The following NALCN variants were observed in gnomAD, a reference collection of about 807,000 sequenced individuals.
NALCN encodes the protein sodium leak channel, non-selective, also known as sodium leak channel NALCN.
In NALCN, 111 loss-of-function variants were observed where a neutral mutation model predicts 225.3. The observed-to-expected ratio is 0.49, with a 90% CI of 0.42 to 0.58. The LOEUF (loss-of-function observed/expected upper bound fraction) is 0.58. Among genes scored for constraint, NALCN ranks in the 20% least tolerant of loss-of-function variants. The pLI is 0.00. For missense variants in NALCN, 1,378 were observed against 2,202.4 expected (o/e 0.63, Z 7.49); for synonymous variants, 764 against 769.0 (o/e 0.99, Z 0.11).
chr13:101,173,249 G>C (rs541636309), intron 15 of NALCN, among the ~76,000 whole-genome samples: 1 of 152,334 alleles, frequency 6.6e-6, no homozygotes, highest in East Asian at 1.9e-4. Flanking sequence ...ATATGAGGAT[G>C]CCTTTGTTAT....
rs111653499 is a variant in NALCN at position 101,330,683 on chromosome 13, T to G, written c.799+14583A>C. 1.8e-3 allele frequency among the ~76,000 whole-genome samples: 275 copies of G among 152,296 alleles called. 1 individual carries two copies. The highest frequency in any genetic ancestry group is 6.1e-3 in the African/African-American group (252 of 41,556). On this transcript the variant is annotated intron_variant, in intron 7 of 43. Coordinates refer to ENST00000251127, the MANE Select transcript of NALCN (RefSeq NM_052867.4). ...TGGTTTAGCTGTGTTTCCACCCAAA[T>G]GTCATCTTGAATTGTAGCTCCCATA... is the stretch of plus-strand genomic sequence containing the variant.
At chr13:101,277,311 T>C (rs2043000719) in intron 10 of NALCN, among the ~76,000 whole-genome samples, 1 of 152,164 alleles carries the variant, frequency 6.6e-6, no homozygotes, top group Non-Finnish European at 1.5e-5. Context: ...GTACATTTCA[T>C]TTATAAGAGA....
At chr13:101,240,184 T>C (rs1168528326) in intron 11 of NALCN, among the ~76,000 whole-genome samples, 2 of 152,062 alleles carry the variant, frequency 1.3e-5, no homozygotes, top group African/African-American at 4.8e-5. Flanking sequence ...CTTTATGATT[T>C]TTTTCTTTAC....
At chr13:101,111,746 T>A (rs1408493686) in intron 18 of NALCN, among the ~76,000 whole-genome samples, 1 of 152,340 alleles carries the variant, frequency 6.6e-6, no homozygotes, top group East Asian at 1.9e-4. Flanking sequence ...CTCTCTTCTC[T>A]TGTCTGCTGC....
intron 28 of NALCN, among the ~76,000 whole-genome samples, chr13:101,093,505 A>ATGTCGTCCTGG (rs2034342445): frequency 6.6e-6 from 1 of 152,236 alleles, no homozygotes; most frequent in Non-Finnish European, 1.5e-5. Flanking sequence ...AGAAATGGAC[A>ATGTCGTCCTGG]AGAGCACTTG....
At chr13:101,158,666 C>T (rs2038021450) in intron 15 of NALCN, among the ~76,000 whole-genome samples, 1 of 152,214 alleles carries the variant, frequency 6.6e-6, no homozygotes, top group South Asian at 2.1e-4. Flanking sequence ...ACAACCAACT[C>T]AGCTTGCTGT....
chr13:101,269,241 T>TATA, intron 10 of NALCN, among the ~76,000 whole-genome samples: 1 of 147,826 alleles, frequency 6.8e-6, no homozygotes, highest in Admixed American at 6.7e-5. Context: ...TATATATATA[T>TATA]TTTAGCCTGG....
chr13:101,386,268 A>C (rs191122365), intron 3 of NALCN, among the ~76,000 whole-genome samples: 1 of 152,332 alleles, frequency 6.6e-6, no homozygotes, highest in East Asian at 1.9e-4. Flanking sequence ...AATTAGTGAA[A>C]GAGAAGTGCC....
At chr13:101,075,598 G>T (rs1217345371) in intron 35 of NALCN, among the ~76,000 whole-genome samples, 1 of 151,386 alleles carries the variant, frequency 6.6e-6, no homozygotes, top group Admixed American at 6.6e-5. Context: ...TTCATGACTG[G>T]TTATCTTTAA....
intron 30 of NALCN, among the ~76,000 whole-genome samples, chr13:101,088,067 G>A (rs568206089): frequency 2.6e-5 from 4 of 151,956 alleles, no homozygotes; most frequent in Admixed American, 1.3e-4. Context: ...AAAGCATCTC[G>A]TTAATGAATG....
chr13:101,396,758 A>T (rs1404109713), intron 2 of NALCN, among the ~76,000 whole-genome samples: 2 of 152,128 alleles, frequency 1.3e-5, no homozygotes, highest in East Asian at 1.9e-4. Context: ...TTCCAAATAT[A>T]AGTTCTTCAA....
At chr13:101,271,199 A>C (rs1007607744) in intron 10 of NALCN, among the ~76,000 whole-genome samples, 6 of 152,168 alleles carry the variant, frequency 3.9e-5, no homozygotes, top group Non-Finnish European at 8.8e-5. Flanking sequence ...CAAATAAATA[A>C]AAATAACACT....
At chr13:101,056,844 T>C (rs1195306673) in intron 43 of NALCN, 1 of 152,210 alleles carries the variant, frequency 6.6e-6, no homozygotes, top group Non-Finnish European at 1.5e-5. Flanking sequence ...TGCTAGCTCC[T>C]AATTGCCTAC....
intron 13 of NALCN, among the ~76,000 whole-genome samples, chr13:101,211,995 T>TA (rs977363414): frequency 7.3e-5 from 11 of 151,558 alleles, no homozygotes; most frequent in African/African-American, 1.5e-4. Context: ...AAAAAAAAAT[T>TA]AAAAAAAATA....
intron 7 of NALCN, among the ~76,000 whole-genome samples, chr13:101,313,870 A>C (rs1247446235): frequency 6.6e-6 from 1 of 151,910 alleles, no homozygotes; most frequent in Non-Finnish European, 1.5e-5. Flanking sequence ...ATGTATGTTT[A>C]TTGTGGCACT....
chr13:101,067,239 AG>A, intron 39 of NALCN, among the ~76,000 whole-genome samples: 1 of 109,966 alleles, frequency 9.1e-6, no homozygotes, highest in Non-Finnish European at 1.8e-5. Flanking sequence ...AGGAGGAGGT[AG>A]GGGGGAAGAT....
chr13:101,160,095 C>T (rs550000134), intron 15 of NALCN, among the ~76,000 whole-genome samples: 1 of 152,238 alleles, frequency 6.6e-6, no homozygotes, highest in South Asian at 2.1e-4. Flanking sequence ...GCTGGGACTA[C>T]AGGTACACAC....
chr13:101,261,883 T>G (rs1185442479), intron 10 of NALCN, among the ~76,000 whole-genome samples: 1 of 152,210 alleles, frequency 6.6e-6, no homozygotes, highest in South Asian at 2.1e-4. Flanking sequence ...AGTACTATGT[T>G]GAATAACAGA....
At chr13:101,279,555 G>A (rs1038399935) in intron 10 of NALCN, among the ~76,000 whole-genome samples, 10 of 152,162 alleles carry the variant, frequency 6.6e-5, no homozygotes, top group African/African-American at 2.4e-4. Context: ...GGTGGCTCAC[G>A]CCTGTAATCC....
Sources: allele counts gnomAD v4.1 joint callset (sites outside exome capture counted in the v4.1 genomes callset), GRCh38; gene constraint gnomAD v4.1.1; transcripts MANE v1.5; gene names NCBI Gene and HGNC (gene_info 2026-07-23, HGNC 2026-07-21).